ZC3H12B: variants seen among roughly 807,000 people sequenced by gnomAD.
The protein encoded by ZC3H12B is zinc finger CCCH-type containing 12B, also known as probable ribonuclease ZC3H12B.
In ZC3H12B, 7 loss-of-function variants were observed where a neutral mutation model predicts 43.9. The ratio of observed to expected loss-of-function variants is 0.16; its 90% confidence interval spans 0.09 to 0.30. ZC3H12B has a LOEUF of 0.30. Among genes scored for constraint, ZC3H12B ranks in the 10% least tolerant of loss-of-function variants. The pLI is 1.00. For synonymous variants in ZC3H12B, 222 were observed against 241.7 expected (o/e 0.92, Z 0.76); for missense variants, 475 against 670.2 (o/e 0.71, Z 3.22).
At chrX:65,196,822 T>A in the ZC3H12B span, among the ~76,000 whole-genome samples, 1 of 111,582 alleles carries the variant, frequency 9.0e-6, no homozygotes, top group East Asian at 2.8e-4. Context: ...ACGGAGGTTT[T>A]ACCGGAGCCT....
chrX:65,054,308 G>T, the ZC3H12B span, among the ~76,000 whole-genome samples: 1 of 111,749 alleles, frequency 8.9e-6, no homozygotes, highest in Non-Finnish European at 1.9e-5. Flanking sequence ...AAGGGATCCA[G>T]TTTCAGCTTT....
the ZC3H12B span, among the ~76,000 whole-genome samples, chrX:65,283,598 C>T: frequency 8.9e-6 from 1 of 112,027 alleles, no homozygotes; most frequent in African/African-American, 3.2e-5. Flanking sequence ...CCAAAATCTC[C>T]TTAAGCTGAT....
At chrX:65,399,459 T>C (rs1173269432) in intron 3 of ZC3H12B, among the ~76,000 whole-genome samples, 1 of 111,804 alleles carries the variant, frequency 8.9e-6, no homozygotes, top group East Asian at 2.8e-4. Context: ...ATCTGAGAAA[T>C]GCACATCAAA....
At chrX:65,183,269 A>G in the ZC3H12B span, among the ~76,000 whole-genome samples, 6 of 112,068 alleles carry the variant, frequency 5.4e-5, no homozygotes, top group African/African-American at 1.6e-4. Flanking sequence ...TTTCATCAAC[A>G]TGGATGGAGT....
chrX:65,305,112 A>T, the ZC3H12B span, among the ~76,000 whole-genome samples: 227 of 112,030 alleles, frequency 2.0e-3, no homozygotes, highest in African/African-American at 6.8e-3. Flanking sequence ...ATATCACCAC[A>T]CATCTATTAC....
the ZC3H12B span, among the ~76,000 whole-genome samples, chrX:65,098,774 G>A: frequency 9.0e-6 from 1 of 111,132 alleles, no homozygotes; most frequent in African/African-American, 3.3e-5. Flanking sequence ...ACATCACCAG[G>A]GCCCTGGGTT....
the ZC3H12B span, among the ~76,000 whole-genome samples, chrX:65,183,140 C>T: frequency 4.5e-5 from 5 of 111,665 alleles, no homozygotes; most frequent in African/African-American, 1.3e-4. Flanking sequence ...CATCACAGTA[C>T]TATTCACAAT....
At chrX:65,120,672 C>A in the ZC3H12B span, among the ~76,000 whole-genome samples, 1 of 111,334 alleles carries the variant, frequency 9.0e-6, no homozygotes, top group Non-Finnish European at 1.9e-5. Context: ...CTGGCCAGAA[C>A]TTCCAACACT....
chrX:65,482,002 T>C (rs2148214248), intron 3 of ZC3H12B, among the ~76,000 whole-genome samples: 1 of 111,529 alleles, frequency 9.0e-6, no homozygotes, highest in South Asian at 3.8e-4. Context: ...ATTGCCCCGA[T>C]CCTTGTGTCC....
chrX:65,409,556 C>CCACACACA (rs149933064), intron 3 of ZC3H12B, among the ~76,000 whole-genome samples: 75 of 87,658 alleles, frequency 8.6e-4, no homozygotes, highest in African/African-American at 2.7e-3. Flanking sequence ...CCTAAAGACT[C>CCACACACA]CACACACACA....
At chrX:65,229,243 A>G in the ZC3H12B span, among the ~76,000 whole-genome samples, 1 of 111,709 alleles carries the variant, frequency 9.0e-6, no homozygotes, top group Non-Finnish European at 1.9e-5. Flanking sequence ...ATCTACAACT[A>G]TCTGATCTTT....
chrX:65,446,175 G>A (rs2067373577), intron 3 of ZC3H12B, among the ~76,000 whole-genome samples: 1 of 112,013 alleles, frequency 8.9e-6, no homozygotes, highest in African/African-American at 3.2e-5. Context: ...GGGGCCTGAG[G>A]ACACTGCTTG....
At chrX:65,503,053 G>T (rs753362658) in exon 5 of ZC3H12B, 7 of 1,211,302 alleles carry the variant, frequency 5.8e-6, no homozygotes, top group Non-Finnish European at 7.8e-6. Context: ...ATTCCAGGGA[G>T]CATATGATCC....
chrX:65,075,888 A>C, the ZC3H12B span, among the ~76,000 whole-genome samples: 1 of 111,840 alleles, frequency 8.9e-6, no homozygotes, highest in Non-Finnish European at 1.9e-5. Flanking sequence ...ATGCTATGCT[A>C]AGCTGGGCAG....
chrX:65,485,700 T>C (rs1391755879), upstream of ZC3H12B, among the ~76,000 whole-genome samples: 1 of 112,318 alleles, frequency 8.9e-6, no homozygotes, highest in Non-Finnish European at 1.9e-5. Context: ...CCAATAATAT[T>C]AGGCATGAGG....
chrX:65,135,713 AG>A, the ZC3H12B span, among the ~76,000 whole-genome samples: 1 of 90,301 alleles, frequency 1.1e-5, no homozygotes, highest in Non-Finnish European at 2.2e-5. Flanking sequence ...TTTTTTTTTT[AG>A]CCACACATGT....
chrX:65,388,204 G>A (rs1043081528), intron 2 of ZC3H12B, among the ~76,000 whole-genome samples: 1 of 111,862 alleles, frequency 8.9e-6, no homozygotes, highest in Non-Finnish European at 1.9e-5. Flanking sequence ...CTAGATTGGG[G>A]AACTTCTCCT....
chrX:65,089,478 G>A, the ZC3H12B span, among the ~76,000 whole-genome samples: 1 of 111,987 alleles, frequency 8.9e-6, no homozygotes, highest in African/African-American at 3.2e-5. Flanking sequence ...GGTTCTAGGT[G>A]AGTCAACGAG....
the ZC3H12B span, among the ~76,000 whole-genome samples, chrX:65,254,429 C>T: frequency 8.9e-6 from 1 of 112,488 alleles, no homozygotes; most frequent in African/African-American, 3.2e-5. Context: ...CAGCATGCAG[C>T]ACAACAGTGT....
Sources: gnomAD v4.1 joint callset for allele counts (sites outside exome capture counted in the v4.1 genomes callset) on GRCh38, gnomAD v4.1.1 for gene constraint, MANE v1.5 for transcripts, NCBI Gene and HGNC (gene_info 2026-07-23, HGNC 2026-07-21) for gene names.